The following RASAL2 variants were observed in gnomAD, a reference collection of about 807,000 sequenced individuals.
RASAL2 encodes the protein RAS protein activator like 2.
Under a neutral mutation model 128.9 loss-of-function variants are expected in RASAL2, and 58 were observed. The ratio of observed to expected loss-of-function variants is 0.45; its 90% CI spans 0.36 to 0.56. The LOEUF is 0.56. Among genes scored for constraint, RASAL2 ranks in the 20% least tolerant of loss-of-function variants. The probability of loss-of-function intolerance (pLI) is 0.00; values close to 1 mark genes in which losing one functional copy is unlikely to be tolerated. For missense variants in RASAL2, 1,360 were observed against 1,601.6 expected (o/e 0.85, Z 2.57); for synonymous variants, 561 against 580.8 (o/e 0.97, Z 0.49).
chr1:178,162,425 A>G (rs1358267700), intron 1 of RASAL2, among the ~76,000 whole-genome samples: 2 of 117,188 alleles, frequency 1.7e-5, no homozygotes, highest in Non-Finnish European at 3.3e-5. Flanking sequence ...ATATAATATT[A>G]TATATATTTT....
intron 3 of RASAL2, among the ~76,000 whole-genome samples, chr1:178,335,179 G>T (rs1669527374): frequency 6.6e-6 from 1 of 151,418 alleles, no homozygotes; most frequent in African/African-American, 2.4e-5. Flanking sequence ...TTCCTTTGGG[G>T]AATTTATTTT....
At position 178,397,616 on chromosome 1, in the gene RASAL2, C is replaced by CT. The variant is rs1030646176; in HGVS notation, c.564+7422dup. Among the ~76,000 whole-genome samples the CT allele has an allele frequency of 2.4e-3, 343 of 144,492 alleles. 2 individuals are homozygous for CT. In the East Asian group the frequency reaches 0.029, roughly 12 times the overall value. The allele number at this position is 144,492 out of a possible 152,430, so 94.8% of individuals were successfully genotyped here. A position where few individuals can be genotyped will look rare whatever the true frequency, so the allele number is the denominator to read the frequency against. On this transcript the variant is annotated intron_variant, in intron 4 of 17. Transcript: ENST00000367649. ...AGTTGCATCTTTTATTTTTTACTTA[C>CT]TTTTTTTTTTTTAGATAGGGTCTCG...
chr1:178,314,276 T>C (rs146619567), intron 3 of RASAL2, among the ~76,000 whole-genome samples: 205 of 152,352 alleles, frequency 1.3e-3, no homozygotes, highest in African/African-American at 4.7e-3. Flanking sequence ...GTCATATAAA[T>C]AGAATTCAGA....
intron 3 of RASAL2, among the ~76,000 whole-genome samples, chr1:178,340,660 G>T (rs1263297030): frequency 6.6e-6 from 1 of 152,108 alleles, no homozygotes; most frequent in African/African-American, 2.4e-5. Flanking sequence ...TTACAGCAGA[G>T]CAGATTTTTA....
At chr1:178,470,821 T>A in intron 17 of RASAL2, 1 of 1,002,598 alleles carries the variant, frequency 1.0e-6, no homozygotes, top group East Asian at 5.7e-5. Context: ...ACTCCCCACA[T>A]GGGAATCCTT....
intron 3 of RASAL2, among the ~76,000 whole-genome samples, chr1:178,322,164 T>G (rs1668821576): frequency 6.6e-6 from 1 of 152,076 alleles, no homozygotes; most frequent in Non-Finnish European, 1.5e-5. Flanking sequence ...CATCACCTTC[T>G]AACTCTCTTC....
intron 1 of RASAL2, among the ~76,000 whole-genome samples, chr1:178,134,603 A>G (rs889108610): frequency 2.0e-5 from 3 of 152,314 alleles, no homozygotes; most frequent in African/African-American, 7.2e-5. Flanking sequence ...AGCCAACGCC[A>G]TAGACATTTC....
intron 1 of RASAL2, among the ~76,000 whole-genome samples, chr1:178,119,634 G>C (rs886452431): frequency 1.3e-5 from 2 of 152,166 alleles, no homozygotes; most frequent in African/African-American, 2.4e-5. Flanking sequence ...ATTCAAAGAC[G>C]TGAATAGTTC....
intron 3 of RASAL2, among the ~76,000 whole-genome samples, chr1:178,361,671 C>T (rs1484683074): frequency 6.6e-6 from 1 of 152,008 alleles, no homozygotes; most frequent in East Asian, 1.9e-4. Flanking sequence ...GGTCTGGTTT[C>T]ATGGAAGATT....
intron 3 of RASAL2, among the ~76,000 whole-genome samples, chr1:178,356,040 G>A (rs1005815202): frequency 6.6e-6 from 1 of 151,950 alleles, no homozygotes; most frequent in Non-Finnish European, 1.5e-5. Context: ...ATGGTGGCGG[G>A]CACCTGTAAT....
At chr1:178,354,198 G>T (rs1374460989) in intron 3 of RASAL2, among the ~76,000 whole-genome samples, 1 of 152,074 alleles carries the variant, frequency 6.6e-6, no homozygotes, top group Non-Finnish European at 1.5e-5. Flanking sequence ...ATGCAAAGTA[G>T]ATTTAATATT....
intron 3 of RASAL2, among the ~76,000 whole-genome samples, chr1:178,330,567 C>A (rs1250039066): frequency 6.6e-6 from 1 of 152,034 alleles, no homozygotes; most frequent in East Asian, 1.9e-4. Flanking sequence ...ATTGTAGTTG[C>A]AGTGGGCTGT....
chr1:178,227,856 T>A (rs1663852455), intron 1 of RASAL2, among the ~76,000 whole-genome samples: 2 of 152,210 alleles, frequency 1.3e-5, no homozygotes, highest in South Asian at 4.1e-4. Flanking sequence ...CCAACTTTTA[T>A]AGTAGAAAGA....
At chr1:178,269,923 C>T (rs1666167265) in intron 1 of RASAL2, among the ~76,000 whole-genome samples, 1 of 152,286 alleles carries the variant, frequency 6.6e-6, no homozygotes, top group East Asian at 1.9e-4. Flanking sequence ...GGGACCCTTT[C>T]CTGTAACACT....
intron 1 of RASAL2, among the ~76,000 whole-genome samples, chr1:178,146,783 G>T (rs1660744500): frequency 6.6e-6 from 1 of 152,142 alleles, no homozygotes; most frequent in Non-Finnish European, 1.5e-5. Flanking sequence ...CTATAAGATT[G>T]CTGTGCCATA....
chr1:178,337,739 T>A (rs1669663222), intron 3 of RASAL2, among the ~76,000 whole-genome samples: 1 of 151,968 alleles, frequency 6.6e-6, no homozygotes, highest in Non-Finnish European at 1.5e-5. Flanking sequence ...GCAAGTAATT[T>A]TTTTTTTTTG....
chr1:178,121,606 C>T (rs932946060), intron 1 of RASAL2, among the ~76,000 whole-genome samples: 2 of 152,128 alleles, frequency 1.3e-5, no homozygotes, highest in Non-Finnish European at 2.9e-5. Flanking sequence ...CTGCCTCAGC[C>T]TCCTGAGTAG....
chr1:178,462,362 G>T (rs1272012958), intron 14 of RASAL2, among the ~76,000 whole-genome samples: 1 of 152,042 alleles, frequency 6.6e-6, no homozygotes, highest in African/African-American at 2.4e-5. Context: ...ATTTTATTGA[G>T]CATCTGTTGT....
chr1:178,445,023 G>A (rs1455740055), intron 8 of RASAL2, among the ~76,000 whole-genome samples: 2 of 151,916 alleles, frequency 1.3e-5, no homozygotes, highest in Non-Finnish European at 2.9e-5. Context: ...GTTGGTCAGG[G>A]ACACCTTCAC....
Sources: allele counts gnomAD v4.1 joint callset (sites outside exome capture counted in the v4.1 genomes callset), GRCh38; gene constraint gnomAD v4.1.1; transcripts MANE v1.5; gene names NCBI Gene and HGNC (gene_info 2026-07-23, HGNC 2026-07-21).